CNTN5: variants seen among roughly 807,000 people sequenced by gnomAD.
CNTN5 encodes the protein contactin 5, also known as contactin-5.
CNTN5 carries 77 observed loss-of-function variants against 129.1 expected under a neutral mutation model. The observed-to-expected ratio is 0.60, with a 90% CI of 0.50 to 0.72. The LOEUF is 0.72. Among genes scored for constraint, CNTN5 ranks in the 30% least tolerant of loss-of-function variants. The probability of loss-of-function intolerance (pLI) is 0.00; values close to 1 mark genes in which losing one functional copy is unlikely to be tolerated. For missense variants in CNTN5, 1,478 were observed against 1,328.8 expected (o/e 1.11, Z -1.75); for synonymous variants, 509 against 465.6 (o/e 1.09, Z -1.20).
At chr11:100,136,265 C>T (rs1946521984) in intron 13 of CNTN5, among the ~76,000 whole-genome samples, 2 of 151,856 alleles carry the variant, frequency 1.3e-5, no homozygotes, top group Admixed American at 1.3e-4. Flanking sequence ...TTTCAATCTT[C>T]TGTTCAATAT....
intron 1 of CNTN5, among the ~76,000 whole-genome samples, chr11:99,165,217 G>A (rs1860814900): frequency 6.6e-6 from 1 of 152,124 alleles, no homozygotes; most frequent in Non-Finnish European, 1.5e-5. Context: ...CCATTAATAA[G>A]GATTCATAAA....
intron 15 of CNTN5, among the ~76,000 whole-genome samples, chr11:100,196,211 A>G (rs1289073197): frequency 6.6e-6 from 1 of 152,006 alleles, no homozygotes; most frequent in East Asian, 1.9e-4. Flanking sequence ...CTGTCCTGGG[A>G]CAGAACCCTG....
intron 1 of CNTN5, among the ~76,000 whole-genome samples, chr11:99,254,993 G>T (rs1181192610): frequency 6.6e-6 from 1 of 151,872 alleles, no homozygotes; most frequent in African/African-American, 2.4e-5. Context: ...TCTTAATGAG[G>T]TTTAGCAATG....
intron 1 of CNTN5, among the ~76,000 whole-genome samples, chr11:99,202,809 T>C (rs1859276718): frequency 6.6e-6 from 1 of 151,274 alleles, no homozygotes; most frequent in Non-Finnish European, 1.5e-5. Context: ...TAATTTAATA[T>C]AGTAAATGCC....
At chr11:99,418,892 A>T (rs1273496974) in intron 2 of CNTN5, among the ~76,000 whole-genome samples, 2 of 152,166 alleles carry the variant, frequency 1.3e-5, no homozygotes, top group Non-Finnish European at 2.9e-5. Flanking sequence ...TACCTGTGTG[A>T]ATTGTGGAAA....
intron 21 of CNTN5, among the ~76,000 whole-genome samples, chr11:100,322,272 G>A (rs528413781): frequency 6.6e-6 from 1 of 151,956 alleles, no homozygotes; most frequent in South Asian, 2.1e-4. Flanking sequence ...GCCCAGGCTG[G>A]AGTGCAGTGG....
At chr11:100,249,165 C>T (rs1043800387) in intron 16 of CNTN5, among the ~76,000 whole-genome samples, 2 of 151,916 alleles carry the variant, frequency 1.3e-5, no homozygotes, top group Non-Finnish European at 2.9e-5. Context: ...TTTCATATTA[C>T]CAGTATTATA....
chr11:100,126,755 A>C (rs1236600664), intron 13 of CNTN5, among the ~76,000 whole-genome samples: 2 of 152,032 alleles, frequency 1.3e-5, no homozygotes, highest in Non-Finnish European at 1.5e-5. Context: ...TAAGTCTTTT[A>C]AGTGGGTTGT....
chr11:99,901,092 T>C (rs1030362395), intron 6 of CNTN5, among the ~76,000 whole-genome samples: 7 of 152,168 alleles, frequency 4.6e-5, no homozygotes, highest in Admixed American at 4.6e-4. Flanking sequence ...AAAGGATATT[T>C]TAATAAGAAA....
At chr11:99,443,067 A>G (rs1467924314) in intron 2 of CNTN5, among the ~76,000 whole-genome samples, 4 of 152,234 alleles carry the variant, frequency 2.6e-5, no homozygotes, top group South Asian at 2.1e-4. Context: ...ATAATTCACA[A>G]AAGAATTAAT....
rs369412780 is a variant in CNTN5 at position 99,438,953 on chromosome 11, T to G, written c.-71+113469T>G. Among the ~76,000 whole-genome samples, 5 of 152,282 alleles carry G rather than the reference T, an allele frequency of 3.3e-5. No homozygotes were observed. The East Asian group carries it at 9.6e-4, about 29-fold the overall frequency. ...ACGCTATAGAACTGGTGATATGTAGTGAACAAAATAAGCAAAATCACACAT... is the reference window on the plus strand; with the variant it reads ...ACGCTATAGAACTGGTGATATGTAGGGAACAAAATAAGCAAAATCACACAT... On this transcript the variant is annotated intron_variant, in intron 2 of 24. Coordinates refer to ENST00000524871, the MANE Select transcript of CNTN5 (RefSeq NM_014361.4).
At chr11:99,547,718 A>G (rs1004350745) in intron 2 of CNTN5, among the ~76,000 whole-genome samples, 4 of 152,222 alleles carry the variant, frequency 2.6e-5, no homozygotes, top group Non-Finnish European at 4.4e-5. Flanking sequence ...ATATGCTACT[A>G]TCTTCCATTA....
At chr11:99,105,674 G>T (rs1294619746) in intron 1 of CNTN5, among the ~76,000 whole-genome samples, 2 of 152,098 alleles carry the variant, frequency 1.3e-5, no homozygotes, top group African/African-American at 4.8e-5. Flanking sequence ...CAATATATGG[G>T]CAGTCAAGAG....
intron 16 of CNTN5, among the ~76,000 whole-genome samples, chr11:100,237,060 G>A (rs1007252322): frequency 2.6e-5 from 4 of 151,736 alleles, no homozygotes; most frequent in Non-Finnish European, 5.9e-5. Context: ...GTGGTGGTGG[G>A]CGCCTCTAGT....
chr11:99,701,039 G>A (rs10219369), intron 3 of CNTN5, among the ~76,000 whole-genome samples: 43,831 of 150,994 alleles, frequency 0.29, 6,442 homozygotes, highest in South Asian at 0.35. Context: ...TCTATTTAAG[G>A]ACCATCTTAT....
At chr11:99,553,601 A>G (rs1156502202) in intron 2 of CNTN5, among the ~76,000 whole-genome samples, 1 of 152,014 alleles carries the variant, frequency 6.6e-6, no homozygotes, top group African/African-American at 2.4e-5. Flanking sequence ...AAAAAAACCA[A>G]GAGAGTAAAT....
chr11:99,790,329 C>T (rs370361496), intron 3 of CNTN5, among the ~76,000 whole-genome samples: 9 of 152,004 alleles, frequency 5.9e-5, no homozygotes, highest in African/African-American at 2.2e-4. Context: ...CCTTCTCTCT[C>T]CTTCCACCTC....
At chr11:100,297,603 C>G (rs370711716) in intron 18 of CNTN5, 22 bp from the exon 19 acceptor site, 74 of 1,590,834 alleles carry the variant, frequency 4.7e-5, no homozygotes, top group Non-Finnish European at 6.2e-5. Context: ...TCTCCTCACT[C>G]TCCACCCATT....
rs566540950 is a variant in CNTN5 at position 99,677,029 on chromosome 11, C to A, written c.55+120760C>A. Reference sequence around the variant, plus strand: ...TCAAGCTAAAAATGTTGTTATATTTCTATCTCCTACTCAATAACTATTTTT... The same window carrying A: ...TCAAGCTAAAAATGTTGTTATATTTATATCTCCTACTCAATAACTATTTTT... On this transcript the variant is annotated intron_variant, in intron 3 of 24. Coordinates refer to ENST00000524871, the MANE Select transcript of CNTN5 (RefSeq NM_014361.4). 2.6e-5 allele frequency among the ~76,000 whole-genome samples: 4 copies of A among 152,164 alleles called. No homozygotes were observed. In the East Asian group the frequency reaches 5.8e-4, roughly 22 times the overall value.
Sources: gnomAD v4.1 joint callset for allele counts (sites outside exome capture counted in the v4.1 genomes callset) on GRCh38, gnomAD v4.1.1 for gene constraint, MANE v1.5 for transcripts, NCBI Gene and HGNC (gene_info 2026-07-23, HGNC 2026-07-21) for gene names.